The following ST6GALNAC3 variants were observed in gnomAD, a reference collection of about 807,000 sequenced individuals.
ST6GALNAC3 encodes the protein ST6 N-acetylgalactosaminide alpha-2,6-sialyltransferase 3.
In ST6GALNAC3, 25 loss-of-function variants were observed where a neutral mutation model predicts 32.7. The ratio of observed to expected loss-of-function variants is 0.76; its 90% confidence interval spans 0.56 to 1.07. The LOEUF (loss-of-function observed/expected upper bound fraction) is 1.07, where lower values mean the gene tolerates loss of function less well. Ranked by LOEUF, ST6GALNAC3 falls within the 50% of genes least tolerant of loss-of-function variation. ST6GALNAC3 has a pLI of 0.00. For synonymous variants in ST6GALNAC3, 129 were observed against 133.1 expected (o/e 0.97, Z 0.21); for missense variants, 355 against 382.4 (o/e 0.93, Z 0.60).
chr1:76,563,305 T>A (rs957716909), intron 3 of ST6GALNAC3, among the ~76,000 whole-genome samples: 1 of 152,200 alleles, frequency 6.6e-6, no homozygotes, highest in Middle Eastern at 3.2e-3. Flanking sequence ...CTGCTTTGTA[T>A]CTATTGTGAA....
intron 3 of ST6GALNAC3, among the ~76,000 whole-genome samples, chr1:76,517,419 TCTAA>T (rs1662239923): frequency 6.6e-6 from 1 of 151,904 alleles, no homozygotes; most frequent in Non-Finnish European, 1.5e-5. Context: ...TAAAATTTTA[TCTAA>T]CTTTTATATA....
intron 3 of ST6GALNAC3, among the ~76,000 whole-genome samples, chr1:76,486,010 C>T (rs1463379690): frequency 6.6e-6 from 1 of 152,174 alleles, no homozygotes; most frequent in Non-Finnish European, 1.5e-5. Flanking sequence ...GCAGGTTGTT[C>T]AGTTTCCATG....
At chr1:76,380,779 T>C (rs1199840569) in intron 2 of ST6GALNAC3, among the ~76,000 whole-genome samples, 2 of 152,334 alleles carry the variant, frequency 1.3e-5, no homozygotes, top group South Asian at 2.1e-4. Flanking sequence ...ACTTGAGTTC[T>C]AGTGAGCTCC....
chr1:76,097,553 G>C (rs291060), intron 1 of ST6GALNAC3, among the ~76,000 whole-genome samples: 93,124 of 152,036 alleles, frequency 0.61, 29,054 homozygotes, highest in African/African-American at 0.68. Flanking sequence ...ACAATTAAGC[G>C]TCTTTCCTTA....
In ST6GALNAC3 at chr1:76,347,181, A is replaced by G. The variant is rs147362904; in HGVS notation, c.213+33182A>G. Among the ~76,000 whole-genome samples the G allele has an allele frequency of 2.6e-3, 389 of 152,358 alleles. 2 individuals are homozygous for G. The highest frequency in any genetic ancestry group is 8.5e-3 in the African/African-American group (354 of 41,586). ...GTTGATGTTAGCATGTAGAAAATTA[A>G]TAAGATGCAAATCACTGCTGTCCAA... is the stretch of plus-strand genomic sequence containing the variant. On this transcript the variant is annotated intron_variant, in intron 2 of 4. Transcript: ENST00000328299.
At chr1:76,251,367 A>G (rs1657606350) in intron 1 of ST6GALNAC3, among the ~76,000 whole-genome samples, 2 of 152,122 alleles carry the variant, frequency 1.3e-5, no homozygotes, top group African/African-American at 2.4e-5. Flanking sequence ...TTATCCTGCC[A>G]GTTCTTTTTT....
At chr1:76,217,561 T>C (rs1655536442) in intron 1 of ST6GALNAC3, among the ~76,000 whole-genome samples, 1 of 152,204 alleles carries the variant, frequency 6.6e-6, no homozygotes, top group African/African-American at 2.4e-5. Flanking sequence ...CAGTGGTGTT[T>C]GGTTACATGA....
Position 76,462,281 on chromosome 1 carries a change from GCT to G in ST6GALNAC3, c.623+49870_623+49871del, listed in dbSNP as rs541699549. On this transcript the variant is annotated intron_variant, in intron 3 of 4. Transcript: ENST00000328299. ...TACGTGAATTAATAGGTTGTTTCCT[GCT>G]CTCTCCCCCAACTCTTAATATAAAA... Among the ~76,000 whole-genome samples the G allele has an allele frequency of 1.5e-3, 233 of 151,870 alleles. 2 individuals are homozygous for G. The highest frequency in any genetic ancestry group is 5.4e-3 in the African/African-American group (225 of 41,388).
At chr1:76,098,930 A>G (rs1374172044) in intron 1 of ST6GALNAC3, among the ~76,000 whole-genome samples, 1 of 152,066 alleles carries the variant, frequency 6.6e-6, no homozygotes, top group African/African-American at 2.4e-5. Context: ...TTTAAAATCT[A>G]TTTCGATTTT....
intron 1 of ST6GALNAC3, among the ~76,000 whole-genome samples, chr1:76,182,841 AT>A (rs60876646): frequency 0.011 from 1,690 of 148,616 alleles, 29 homozygotes; most frequent in African/African-American, 0.037. Flanking sequence ...TACCTTCATA[AT>A]TTTTTTTTTT....
At chr1:76,131,600 T>G (rs1649614963) in intron 1 of ST6GALNAC3, among the ~76,000 whole-genome samples, 1 of 152,200 alleles carries the variant, frequency 6.6e-6, no homozygotes, top group Admixed American at 6.5e-5. Context: ...CCTGCAATAG[T>G]CCAAGCCAGC....
intron 3 of ST6GALNAC3, among the ~76,000 whole-genome samples, chr1:76,608,793 A>C (rs577979453): frequency 6.6e-6 from 1 of 152,108 alleles, no homozygotes; most frequent in Non-Finnish European, 1.5e-5. Context: ...CTCTTTTGTG[A>C]TATTTTTGCA....
chr1:76,106,480 G>A lies in ST6GALNAC3; in HGVS notation c.18+31596G>A, dbSNP rs373953576. On this transcript the variant is annotated intron_variant, in intron 1 of 4. Coordinates refer to ENST00000328299, the MANE Select transcript of ST6GALNAC3 (RefSeq NM_152996.4). ...TTTGAGCTCGCTGAGGCAGTCTAAG[G>A]CTGTGCTTTGACTTCAGTGCTGTGC... Among the ~76,000 whole-genome samples the A allele has an allele frequency of 1.1e-4, 17 of 152,258 alleles. 1 individual carries two copies. In the East Asian group the frequency reaches 1.5e-3, roughly 14 times the overall value.
At chr1:76,152,057 A>G (rs547416449) in intron 1 of ST6GALNAC3, among the ~76,000 whole-genome samples, 1 of 152,290 alleles carries the variant, frequency 6.6e-6, no homozygotes, top group African/African-American at 2.4e-5. Context: ...CCTTCCCACC[A>G]TGGGCTCTTT....
intron 2 of ST6GALNAC3, among the ~76,000 whole-genome samples, chr1:76,359,319 A>AT (rs1649741848): frequency 6.6e-6 from 1 of 152,192 alleles, no homozygotes; most frequent in South Asian, 2.1e-4. Flanking sequence ...GTTATTGCAG[A>AT]TGTAAGATGT....
intron 3 of ST6GALNAC3, among the ~76,000 whole-genome samples, chr1:76,460,835 A>G (rs1029723855): frequency 6.6e-6 from 1 of 152,190 alleles, no homozygotes; most frequent in Non-Finnish European, 1.5e-5. Flanking sequence ...CAGTGGAAAC[A>G]TTTAGCCTTA....
In ST6GALNAC3 at chr1:76,536,369, G is replaced by A. The variant is rs949126761; in HGVS notation, c.624-91083G>A. Among the ~76,000 whole-genome samples the A allele has an allele frequency of 3.9e-5, 6 of 152,226 alleles. No individual in the cohort carries two copies. The South Asian group carries it at 1.0e-3, about 26-fold the overall frequency. ...TGACTCACAGTTCAGCATGGCTGGG[G>A]AGGCCTCAAGAAACTTACAATCATG... On this transcript the variant is annotated intron_variant, in intron 3 of 4. Transcript: ENST00000328299.
rs1373607989 is a variant in ST6GALNAC3, at chr1:76,494,454, TATATATATATATATAC to T, written c.623+82039_623+82054del. ...GTATATATATATATATATATATATA[TATATATATATATATAC>T]ACACACACACACACACTTTCCCTAC... On this transcript the variant is annotated intron_variant, in intron 3 of 4. Coordinates refer to ENST00000328299, the MANE Select transcript of ST6GALNAC3 (RefSeq NM_152996.4). Among the ~76,000 whole-genome samples the T allele has an allele frequency of 2.7e-3, 231 of 84,040 alleles. 3 individuals are homozygous for T. Among genetic ancestry groups the T allele is most frequent in the Middle Eastern group, 0.013 (2 of 156 alleles). The allele number at this position is 84,040 out of a possible 152,430, so 55.1% of individuals were successfully genotyped here. A position where few individuals can be genotyped will look rare whatever the true frequency, so the allele number is the denominator to read the frequency against.
chr1:76,310,040 C>T, intron 1 of ST6GALNAC3: 1 of 478,092 alleles, frequency 2.1e-6, no homozygotes, highest in Non-Finnish European at 4.2e-6. Flanking sequence ...TCTTTGTCCC[C>T]AAACCCCCAG....
Sources: allele counts gnomAD v4.1 joint callset (sites outside exome capture counted in the v4.1 genomes callset), GRCh38; gene constraint gnomAD v4.1.1; transcripts MANE v1.5; gene names NCBI Gene and HGNC (gene_info 2026-07-23, HGNC 2026-07-21).